The following SLC7A1 variants were observed in gnomAD, a reference collection of about 807,000 sequenced individuals.
The protein encoded by SLC7A1 is solute carrier family 7 member 1.
In SLC7A1, 10 loss-of-function variants were observed where a neutral mutation model predicts 53.9. The ratio of observed to expected loss-of-function variants is 0.19; its 90% CI spans 0.11 to 0.31. The LOEUF is 0.31. SLC7A1 is among the 10% of genes least tolerant of loss of function. The probability of loss-of-function intolerance (pLI) is 1.00; values close to 1 mark genes in which losing one functional copy is unlikely to be tolerated. For missense variants in SLC7A1, 525 were observed against 827.2 expected (o/e 0.63, Z 4.48); for synonymous variants, 342 against 338.7 (o/e 1.01, Z -0.11).
intron 6 of SLC7A1, 80 bp from the exon 7 acceptor site, chr13:29,523,568 A>C: frequency 4.6e-6 from 5 of 1,078,396 alleles, no homozygotes; most frequent in Non-Finnish European, 6.9e-6. Context: ...AAGGCCTCTC[A>C]GTGCCCCGGA....
In SLC7A1 at chr13:29,536,090, G is replaced by A. The variant is rs1289166246; in HGVS notation, c.99C>T (p.Asn33=). Residue 33 remains asparagine, a synonymous_variant, in exon 3 of 13, where the codon AAC becomes AAT. Coordinates refer to ENST00000380752, the MANE Select transcript of SLC7A1 (RefSeq NM_003045.5). ...CCCCGAGGGCCACCAGATCAAAAGT[G>A]TTCAGGCAGCGAGACAGCCGCGTCT... ...REETRLSRCL[N]TFDLVALGVG... 5.0e-6 allele frequency: 8 copies of A among 1,613,998 alleles called. No homozygotes were observed. The East Asian group carries it at 1.8e-4, about 36-fold the overall frequency.
chr13:29,548,613 G>A (rs1026135956), intron 2 of SLC7A1, among the ~76,000 whole-genome samples: 2 of 152,234 alleles, frequency 1.3e-5, no homozygotes, highest in African/African-American at 4.8e-5. Flanking sequence ...AAGAAACACC[G>A]GAGGGGAAAA....
intron 1 of SLC7A1, among the ~76,000 whole-genome samples, chr13:29,557,382 G>C (rs996482300): frequency 1.3e-5 from 2 of 152,092 alleles, no homozygotes; most frequent in African/African-American, 2.4e-5. Context: ...ACATCCTGGA[G>C]TGTACTTAGA....
rs150624249 is a variant in SLC7A1 at position 29,517,171 on chromosome 13, G to A, written c.1650C>T (p.Pro550=). The A allele has an allele frequency of 1.2e-5, 19 of 1,611,422 alleles. No homozygotes were observed. The highest frequency in any genetic ancestry group is 5.3e-5 in the African/African-American group (4 of 74,974). ...AVVTGVIWRQ[P]ESKTKLSFKV... ...TAAATGAGAGCTTGGTCTTGCTCTC[G>A]GGCTGCCTCCAGATGACGCCCGTGA... The change falls in exon 11 of 13, where the codon CCC becomes CCT. Residue 550 remains proline, a synonymous_variant. Transcript: ENST00000380752.
At chr13:29,590,316 T>C (rs1872056638) in intron 1 of SLC7A1, among the ~76,000 whole-genome samples, 1 of 152,170 alleles carries the variant, frequency 6.6e-6, no homozygotes, top group Admixed American at 6.5e-5. Context: ...TTGAACAACA[T>C]GTTTGGGATG....
Position 29,551,589 on chromosome 13 carries a change from G to A in SLC7A1, c.-15+2172C>T, listed in dbSNP as rs1870190496. 5.9e-5 allele frequency among the ~76,000 whole-genome samples: 9 copies of A among 152,332 alleles called. 2 individuals are homozygous for A. The South Asian group carries it at 1.9e-3, about 32-fold the overall frequency. On this transcript the variant is annotated intron_variant, in intron 2 of 12. Transcript: ENST00000380752. ...TCTGACTTAGGCTATTCACTCAGGT[G>A]TCAACGCCCAGCCCCAGTGTTAGGT...
intron 1 of SLC7A1, among the ~76,000 whole-genome samples, chr13:29,576,153 G>A (rs1027991755): frequency 1.3e-5 from 2 of 151,974 alleles, no homozygotes; most frequent in Admixed American, 6.6e-5. Context: ...TTAACCAGGT[G>A]TGGTGGAGTG....
intron 2 of SLC7A1, among the ~76,000 whole-genome samples, chr13:29,551,683 G>T (rs1870196456): frequency 6.6e-6 from 1 of 152,176 alleles, no homozygotes; most frequent in Admixed American, 6.5e-5. Flanking sequence ...GCGGCGCGGG[G>T]AAGAATGCAG....
rs555909953 is a variant in SLC7A1, at chr13:29,533,054, T to C, written c.371-72A>G. On this transcript the variant is annotated intron_variant, in intron 3 of 12. Transcript: ENST00000380752. ...GCCAGGTATTTGTAGTGGAGCTCCA[T>C]GTTGATAACATCATTGCAGGAGTCA... is the stretch of plus-strand genomic sequence containing the variant. 115 of 1,442,664 alleles carry C rather than the reference T, an allele frequency of 8.0e-5. 1 individual carries two copies. The African/African-American group carries it at 1.4e-3, about 18-fold the overall frequency. 89.4% of individuals were successfully genotyped at this position (1,442,664 alleles called of 1,614,324 possible).
intron 1 of SLC7A1, among the ~76,000 whole-genome samples, chr13:29,564,243 G>A (rs888439841): frequency 2.0e-5 from 3 of 152,198 alleles, no homozygotes; most frequent in South Asian, 2.1e-4. Context: ...AAATGCACCC[G>A]TGAAGTCAGT....
At chr13:29,559,793 G>T (rs1359715380) in intron 1 of SLC7A1, among the ~76,000 whole-genome samples, 4 of 150,830 alleles carry the variant, frequency 2.7e-5, no homozygotes, top group African/African-American at 9.8e-5. Context: ...TCGGCTCACT[G>T]CAAGCTCCGC....
intron 1 of SLC7A1, among the ~76,000 whole-genome samples, chr13:29,594,929 T>A (rs1872247376): frequency 6.6e-6 from 1 of 152,018 alleles, no homozygotes; most frequent in African/African-American, 2.4e-5. Flanking sequence ...CCACGGCTGA[T>A]GACACATCCC....
chr13:29,557,266 G>C (rs1297304501), intron 1 of SLC7A1, among the ~76,000 whole-genome samples: 1 of 152,202 alleles, frequency 6.6e-6, no homozygotes, highest in Non-Finnish European at 1.5e-5. Context: ...ATAAAAGTGT[G>C]ATTGTGACAC....
intron 8 of SLC7A1, 144 bp from the exon 9 acceptor site, chr13:29,519,693 C>G (rs1420096991): frequency 5.2e-6 from 3 of 573,246 alleles, no homozygotes; most frequent in Non-Finnish European, 6.3e-6. Flanking sequence ...TGGAAAGACA[C>G]AGCTTAAAGG....
chr13:29,569,618 G>T (rs1265498795), intron 1 of SLC7A1, among the ~76,000 whole-genome samples: 1 of 152,132 alleles, frequency 6.6e-6, no homozygotes, highest in African/African-American at 2.4e-5. Flanking sequence ...ATCACCACTA[G>T]CCCATTCTCA....
chr13:29,586,167 A>G (rs1029292768), intron 1 of SLC7A1, among the ~76,000 whole-genome samples: 21 of 152,270 alleles, frequency 1.4e-4, no homozygotes, highest in Non-Finnish European at 4.4e-5. Context: ...AATTTGTACC[A>G]AAGTGCAAAA....
At chr13:29,594,623 G>T (rs1029537992) in intron 1 of SLC7A1, among the ~76,000 whole-genome samples, 1 of 152,192 alleles carries the variant, frequency 6.6e-6, no homozygotes, top group East Asian at 1.9e-4. Context: ...CTGAGAATAC[G>T]GTGTCTTGCT....
chr13:29,530,561 T>C lies in SLC7A1; in HGVS notation c.681A>G (p.Thr227=). The C allele has an allele frequency of 6.2e-7, 1 of 1,614,116 alleles. No individual in the cohort carries two copies. Among genetic ancestry groups the C allele is most frequent in the Non-Finnish European group, 8.5e-7 (1 of 1,180,020 alleles). Residue 227 remains threonine, a synonymous_variant, in exon 5 of 13, where the codon ACA becomes ACG. Coordinates refer to ENST00000380752, the MANE Select transcript of SLC7A1 (RefSeq NM_003045.5). ...WQLTEEDFGN[T]SGRLCLNNDT... ...ACTTGTTCAAACAGAGACGGCCTGA[T>C]GTGTTCCCAAAATCCTCCTCCGTGA...
At chr13:29,579,286 C>T (rs1366664242) in intron 1 of SLC7A1, among the ~76,000 whole-genome samples, 2 of 152,104 alleles carry the variant, frequency 1.3e-5, no homozygotes, top group African/African-American at 4.8e-5. Context: ...GCGCCCCGCA[C>T]AACAGGACAC....
Sources: allele counts gnomAD v4.1 joint callset (sites outside exome capture counted in the v4.1 genomes callset), GRCh38; gene constraint gnomAD v4.1.1; transcripts MANE v1.5; gene names NCBI Gene and HGNC (gene_info 2026-07-23, HGNC 2026-07-21).